CACNA1E: variants seen among roughly 807,000 people sequenced by gnomAD.
CACNA1E encodes the protein voltage-dependent R-type calcium channel subunit alpha-1E.
In CACNA1E, 40 loss-of-function variants were observed where a neutral mutation model predicts 259.2. The ratio of observed to expected loss-of-function variants is 0.15; its 90% CI spans 0.12 to 0.20. CACNA1E has a LOEUF of 0.20. Ranked by LOEUF, CACNA1E falls within the 10% of genes least tolerant of loss-of-function variation. The pLI, the probability that CACNA1E is intolerant of heterozygous loss-of-function variation, is 1.00. For missense variants in CACNA1E, 1,874 were observed against 3,040.1 expected (o/e 0.62, Z 9.02); for synonymous variants, 1,104 against 1,138.5 (o/e 0.97, Z 0.61).
Position 181,798,857 on chromosome 1 carries a change from A to G in CACNA1E, c.*23A>G. ...TAGAGGCTGCTCCCCCCTCCGATGC[A>G]TGCTCTTCTCTCACATGGAGAAAAC... On this transcript the variant is annotated 3_prime_UTR_variant, in exon 48 of 48. Coordinates refer to ENST00000367573, the MANE Select transcript of CACNA1E (RefSeq NM_001205293.3). This position sits in a 1 kb window ranked among gnomAD's most constrained non-coding sequence, Gnocchi z 4.2. 6.7e-7 allele frequency: 1 copy of G among 1,488,562 alleles called. No homozygotes were observed. Among genetic ancestry groups the G allele is most frequent in the Non-Finnish European group, 8.9e-7 (1 of 1,123,026 alleles). The allele number at this position is 1,488,562 out of a possible 1,614,324, so 92.2% of individuals were successfully genotyped here.
chr1:181,641,059 C>T (rs1007449671), intron 6 of CACNA1E, among the ~76,000 whole-genome samples: 15 of 152,198 alleles, frequency 9.9e-5, no homozygotes, highest in Admixed American at 1.3e-4. Context: ...TTTGTACTCA[C>T]GACTTAGCCT....
At chr1:181,372,833 T>A (rs1428007538) in intron 1 of CACNA1E, among the ~76,000 whole-genome samples, 4 of 150,430 alleles carry the variant, frequency 2.7e-5, no homozygotes, top group African/African-American at 9.7e-5. Context: ...TATATATTTT[T>A]TTTTTAACAT....
chr1:181,519,865 T>C (rs1325892584), intron 3 of CACNA1E, among the ~76,000 whole-genome samples: 1 of 152,238 alleles, frequency 6.6e-6, no homozygotes, highest in Non-Finnish European at 1.5e-5. Flanking sequence ...ATGGACTGAA[T>C]GACCTGGCGG....
At chr1:181,505,995 A>G (rs905870874) in intron 1 of CACNA1E, among the ~76,000 whole-genome samples, 1 of 152,222 alleles carries the variant, frequency 6.6e-6, no homozygotes, top group African/African-American at 2.4e-5. Context: ...CATTTGTTCA[A>G]GATTTCAAAA....
At position 181,328,227 on chromosome 1, in the gene CACNA1E, T is replaced by G. The variant is rs113206973; in HGVS notation, c.-15+10104T>G. 9.4e-3 allele frequency among the ~76,000 whole-genome samples: 1,438 copies of G among 152,208 alleles called. 25 individuals are homozygous for G. The highest frequency in any genetic ancestry group is 0.032 in the African/African-American group (1,334 of 41,516). On this transcript the variant is annotated intron_variant, in intron 1 of 11. Coordinates refer to the CACNA1E transcript ENST00000524607. ...TGTTTCCTGGTTCATAGGTGGTGCC[T>G]TCTCGCTGTGTCCTCACATGGTGGA...
intron 3 of CACNA1E, among the ~76,000 whole-genome samples, chr1:181,553,202 GA>G (rs1424703660): frequency 6.6e-6 from 1 of 152,250 alleles, no homozygotes; most frequent in East Asian, 1.9e-4. Flanking sequence ...AGTTCTCCTT[GA>G]AGAGGTCCTT....
chr1:181,456,001 A>G (rs752962069), intron 2 of CACNA1E, among the ~76,000 whole-genome samples: 1 of 152,130 alleles, frequency 6.6e-6, no homozygotes, highest in Admixed American at 6.5e-5. Flanking sequence ...CATTGACTAA[A>G]ATGGGAAGAG....
chr1:181,599,332 A>G (rs1653516290), intron 6 of CACNA1E, among the ~76,000 whole-genome samples: 1 of 152,172 alleles, frequency 6.6e-6, no homozygotes, highest in South Asian at 2.1e-4. Flanking sequence ...TCCATGGTGT[A>G]TATGTACCAC....
chr1:181,523,521 G>A (rs1667139806), intron 3 of CACNA1E, among the ~76,000 whole-genome samples: 1 of 152,152 alleles, frequency 6.6e-6, no homozygotes, highest in Non-Finnish European at 1.5e-5. Flanking sequence ...TTGCTCTACT[G>A]TTTTCTAGTA....
chr1:181,701,250 C>T (rs1444189155), intron 7 of CACNA1E, among the ~76,000 whole-genome samples: 3 of 152,188 alleles, frequency 2.0e-5, no homozygotes, highest in Non-Finnish European at 4.4e-5. Flanking sequence ...TCAGACACCT[C>T]CAAAGCTTTT....
At chr1:181,487,832 T>G (rs1451314604) in intron 1 of CACNA1E, among the ~76,000 whole-genome samples, 2 of 152,164 alleles carry the variant, frequency 1.3e-5, no homozygotes, top group Non-Finnish European at 2.9e-5. Flanking sequence ...GTGTCTGGCT[T>G]GGAGACTCTA....
At position 181,784,840 on chromosome 1, in the gene CACNA1E, C is replaced by A. The variant is rs1660725154; in HGVS notation, c.5578+72C>A. ...TGAAGACTACGTCTTTGGGGGGAAC[C>A]CAGAGTGATCAAAGAGATAAGGAAA... On this transcript the variant is annotated intron_variant, in intron 41 of 47. Transcript: ENST00000367573. 2.9e-5 allele frequency: 25 copies of A among 863,694 alleles called. No homozygotes were observed. The South Asian group carries it at 3.4e-4, about 12-fold the overall frequency. 53.5% of individuals were successfully genotyped at this position (863,694 alleles called of 1,614,324 possible). A position where few individuals can be genotyped will look rare whatever the true frequency, so the allele number is the denominator to read the frequency against.
intron 1 of CACNA1E, among the ~76,000 whole-genome samples, chr1:181,389,518 G>T (rs937603372): frequency 2.0e-5 from 3 of 152,220 alleles, no homozygotes; most frequent in African/African-American, 7.2e-5. Context: ...AATTAATGAG[G>T]ATGGACTGTA....
intron 1 of CACNA1E, among the ~76,000 whole-genome samples, chr1:181,339,097 T>G (rs947650248): frequency 6.6e-6 from 1 of 152,208 alleles, no homozygotes. Flanking sequence ...GGAAGTATGA[T>G]GCTTCCAACT....
At chr1:181,332,590 A>C (rs1201507382) in intron 1 of CACNA1E, among the ~76,000 whole-genome samples, 1 of 152,186 alleles carries the variant, frequency 6.6e-6, no homozygotes, top group Non-Finnish European at 1.5e-5. Flanking sequence ...CCATTGAATA[A>C]TTTTAATTCT....
At chr1:181,464,122 C>G (rs771939728) in intron 2 of CACNA1E, among the ~76,000 whole-genome samples, 13 of 152,024 alleles carry the variant, frequency 8.6e-5, no homozygotes, top group Non-Finnish European at 1.5e-4. Flanking sequence ...TTGTATATCC[C>G]TCTCACCCAT....
At chr1:181,760,101 A>T (rs1366089172) in intron 32 of CACNA1E, among the ~76,000 whole-genome samples, 1 of 152,210 alleles carries the variant, frequency 6.6e-6, no homozygotes, top group Non-Finnish European at 1.5e-5. Context: ...CGCAAGCACC[A>T]CAACAGGGAA....
At chr1:181,373,961 TTTTG>T (rs1261238167) in intron 1 of CACNA1E, among the ~76,000 whole-genome samples, 1 of 152,184 alleles carries the variant, frequency 6.6e-6, no homozygotes, top group Non-Finnish European at 1.5e-5. Flanking sequence ...AAACTTTTGG[TTTTG>T]TTTATCATTT....
chr1:181,515,407 G>T (rs4126690), intron 3 of CACNA1E, among the ~76,000 whole-genome samples: 40,220 of 152,036 alleles, frequency 0.26, 5,951 homozygotes, highest in South Asian at 0.41. Flanking sequence ...TGGCTTGTTT[G>T]TTCACTCATT....
Sources: gnomAD v4.1 joint callset for allele counts (sites outside exome capture counted in the v4.1 genomes callset) on GRCh38, gnomAD v4.1.1 for gene constraint, Gnocchi (gnomAD v3.1) non-coding constraint, MANE v1.5 for transcripts, NCBI Gene and HGNC (gene_info 2026-07-23, HGNC 2026-07-21) for gene names.